Variants in GALNS observed in about 807,000 individuals in gnomAD.
GALNS encodes N-acetylgalactosamine-6-sulfatase.
GALNS carries 65 observed loss-of-function variants against 65.9 expected under a neutral mutation model. The ratio of observed to expected loss-of-function variants is 0.99; its 90% CI spans 0.81 to 1.21. GALNS has a LOEUF of 1.21. Ranked by LOEUF, GALNS falls within the 50% of genes most tolerant of loss-of-function variation. The probability of loss-of-function intolerance (pLI) is 0.00; values close to 1 mark genes in which losing one functional copy is unlikely to be tolerated. For synonymous variants in GALNS, 346 were observed against 288.9 expected (o/e 1.20, Z -2.00); for missense variants, 776 against 700.7 (o/e 1.11, Z -1.21).
chr16:88,814,241 C>T lies in GALNS; in HGVS notation c.*198G>A, dbSNP rs1012665656. 1.3e-5 allele frequency: 9 copies of T among 709,734 alleles called. No homozygotes were observed. Among genetic ancestry groups the T allele is most frequent in the African/African-American group, 3.5e-5 (2 of 56,694 alleles). 44.0% of individuals were successfully genotyped at this position (709,734 alleles called of 1,614,324 possible). A position where few individuals can be genotyped will look rare whatever the true frequency, so the allele number is the denominator to read the frequency against. On this transcript the variant is annotated 3_prime_UTR_variant, in exon 14 of 14. Coordinates refer to ENST00000268695, the MANE Select transcript of GALNS (RefSeq NM_000512.5). Reference sequence around the variant, plus strand: ...AGGAGGGTCCTGAAATCTGAGGCGCCGTGGGCGAGGAGGAGGGCCAAGCAC... The same window carrying T: ...AGGAGGGTCCTGAAATCTGAGGCGCTGTGGGCGAGGAGGAGGGCCAAGCAC...
In GALNS at chr16:88,855,093, C is replaced by T. The variant is rs186275790; in HGVS notation, c.120+1665G>A. On this transcript the variant is annotated intron_variant, in intron 1 of 13. Transcript: ENST00000268695. ...AGTCCACATGCAATTCCCTATTTAC[C>T]GGGAGCCACATTAGAAAAGCAGAAG... is the stretch of plus-strand genomic sequence containing the variant. 512 of 451,430 alleles carry T rather than the reference C, an allele frequency of 1.1e-3. 1 individual carries two copies. Among genetic ancestry groups the T allele is most frequent in the African/African-American group, 9.2e-3 (456 of 49,596 alleles). 28.0% of individuals were successfully genotyped at this position (451,430 alleles called of 1,614,324 possible). A position where few individuals can be genotyped will look rare whatever the true frequency, so the allele number is the denominator to read the frequency against.
chr16:88,816,509 A>AGGGGGGGGG, intron 13 of GALNS: 1 of 793,104 alleles, frequency 1.3e-6, no homozygotes, highest in Non-Finnish European at 1.5e-6. Context: ...GAAACTTGCC[A>AGGGGGGGGG]GGCACCCCCG....
chr16:88,815,731 C>T (rs974539619), intron 13 of GALNS: 73 of 985,304 alleles, frequency 7.4e-5, no homozygotes, highest in Admixed American at 5.5e-4. Context: ...CAGCCCTAGG[C>T]GGCAGCAGGG....
At chr16:88,856,248 T>C in intron 1 of GALNS, 1 of 702,934 alleles carries the variant, frequency 1.4e-6, no homozygotes, top group Non-Finnish European at 2.6e-6. Context: ...AGCCGTCAGG[T>C]AAGACTGGAG....
intron 13 of GALNS, chr16:88,816,498 T>G: frequency 1.0e-6 from 1 of 984,866 alleles, no homozygotes; most frequent in Non-Finnish European, 1.2e-6. Flanking sequence ...TATCTTCCTA[T>G]GAAACTTGCC....
At chr16:88,847,799 C>G (rs1194479818) in intron 1 of GALNS, among the ~76,000 whole-genome samples, 1 of 152,274 alleles carries the variant, frequency 6.6e-6, no homozygotes, top group African/African-American at 2.4e-5. Flanking sequence ...AGAGGTCCGG[C>G]AGCGCCACGC....
At chr16:88,853,667 C>G (rs558585757) in intron 1 of GALNS, among the ~76,000 whole-genome samples, 1 of 152,364 alleles carries the variant, frequency 6.6e-6, no homozygotes, top group Non-Finnish European at 1.5e-5. Flanking sequence ...TCTCACCTGT[C>G]TCCAAGGCCC....
intron 13 of GALNS, chr16:88,815,637 G>A (rs761172573): frequency 1.3e-4 from 127 of 985,358 alleles, no homozygotes; most frequent in Non-Finnish European, 1.4e-4. Context: ...TCTGTGCCAC[G>A]TCAGACGCCG....
At chr16:88,825,398 GCTGGGGTGACTGGGTGT>G (rs1910762700) in intron 10 of GALNS, among the ~76,000 whole-genome samples, 1 of 141,068 alleles carries the variant, frequency 7.1e-6, no homozygotes, top group Non-Finnish European at 1.5e-5. Flanking sequence ...GGTGGCCGGG[GCTGGGGTGACTGGGTGT>G]CTGGGGTGCC....
intron 10 of GALNS, among the ~76,000 whole-genome samples, chr16:88,825,915 T>G (rs1484885660): frequency 6.6e-6 from 1 of 152,200 alleles, no homozygotes; most frequent in East Asian, 1.9e-4. Flanking sequence ...TGCTTCCCGT[T>G]GAGCCTTTGG....
chr16:88,855,076 T>C, intron 1 of GALNS: 4 of 418,892 alleles, frequency 9.5e-6, no homozygotes, highest in Admixed American at 2.8e-5. Context: ...TGAGTCCACA[T>C]GCAATTCCCT....
Position 88,835,869 on chromosome 16 carries a change from G to A in GALNS, c.634-20C>T, listed in dbSNP as rs17603837. On this transcript the variant is annotated intron_variant, in intron 6 of 13. Coordinates refer to ENST00000268695, the MANE Select transcript of GALNS (RefSeq NM_000512.5). The stretch of plus-strand genomic sequence containing the variant: ...GGCTTCCTATGGAGAGAGCCACACC[G>A]TCGTCCTCCAGCCTCAGGCCGACCT... The A allele has an allele frequency of 0.094, 150,882 of 1,613,416 alleles. 7,807 individuals carry two copies. The highest frequency in any genetic ancestry group is 0.17 in the Middle Eastern group (1,012 of 6,030).
chr16:88,818,882 G>C (rs1909913781), intron 12 of GALNS, among the ~76,000 whole-genome samples: 1 of 152,230 alleles, frequency 6.6e-6, no homozygotes, highest in Non-Finnish European at 1.5e-5. Context: ...GTTTCTCAAT[G>C]CCCAGGCTGG....
intron 1 of GALNS, 140 bp downstream of exon 1, chr16:88,856,591 CCCTCCCCCTCCTCCTCCCCGCGCGGGG>C: frequency 2.2e-6 from 1 of 449,412 alleles, no homozygotes; most frequent in Non-Finnish European, 4.4e-6. Context: ...ACCCCCCGTC[CCCTCCCCCTCCTCCTCCCCGCGCGGGG>C]CCTCCCCCCT....
In GALNS at chr16:88,814,072, A is replaced by T. The variant is rs1141390; in HGVS notation, c.*367T>A. 2 of 381,408 alleles carry T rather than the reference A, an allele frequency of 5.2e-6. No individual in the cohort carries two copies. The highest frequency in any genetic ancestry group is 1.0e-5 in the Non-Finnish European group (2 of 199,202). 23.6% of individuals were successfully genotyped at this position (381,408 alleles called of 1,614,324 possible). On this transcript the variant is annotated 3_prime_UTR_variant, in exon 14 of 14. Coordinates refer to ENST00000268695, the MANE Select transcript of GALNS (RefSeq NM_000512.5). Reference sequence around the variant, plus strand: ...GGCAAACTGTATCCCCAGCCACCTCAGGCACCTGTTGTCAGGACCTCCTGA... The same window carrying T: ...GGCAAACTGTATCCCCAGCCACCTCTGGCACCTGTTGTCAGGACCTCCTGA...
chr16:88,840,122 A>C (rs1966897570), intron 4 of GALNS, among the ~76,000 whole-genome samples: 1 of 152,200 alleles, frequency 6.6e-6, no homozygotes, highest in South Asian at 2.1e-4. Context: ...CTGAGAGCTC[A>C]GCTCGGCAGG....
chr16:88,832,937 G>A (rs1911661408), intron 8 of GALNS, among the ~76,000 whole-genome samples: 1 of 151,912 alleles, frequency 6.6e-6, no homozygotes, highest in Admixed American at 6.6e-5. Flanking sequence ...AAATTAGCTG[G>A]GTGTGGCGGC....
At chr16:88,816,264 C>A (rs1321042502) in intron 13 of GALNS, 13 of 985,324 alleles carry the variant, frequency 1.3e-5, no homozygotes, top group South Asian at 4.7e-5. Context: ...GTGTGGCCTG[C>A]GCCCGTGGAG....
chr16:88,848,430 G>A (rs577326344), intron 1 of GALNS, among the ~76,000 whole-genome samples: 5 of 152,230 alleles, frequency 3.3e-5, no homozygotes, highest in South Asian at 2.1e-4. Flanking sequence ...TCAGGAGATC[G>A]AGACCATCCT....
Sources: gnomAD v4.1 joint callset for allele counts (sites outside exome capture counted in the v4.1 genomes callset) on GRCh38, gnomAD v4.1.1 for gene constraint, MANE v1.5 for transcripts, NCBI Gene and HGNC (gene_info 2026-07-23, HGNC 2026-07-21) for gene names.